Variants in OSMR observed in about 807,000 individuals in gnomAD.
OSMR encodes the protein oncostatin M receptor, also known as oncostatin-M-specific receptor subunit beta.
A neutral mutation model predicts 99.9 loss-of-function variants in OSMR; 81 were observed. The observed-to-expected ratio is 0.81, with a 90% CI of 0.68 to 0.97. The LOEUF (loss-of-function observed/expected upper bound fraction) is 0.97. Ranked by LOEUF, OSMR falls within the 50% of genes least tolerant of loss-of-function variation. The pLI is 0.00. For synonymous variants in OSMR, 406 were observed against 410.4 expected (o/e 0.99, Z 0.13); for missense variants, 1,099 against 1,153.4 (o/e 0.95, Z 0.68).
At chr5:38,945,017 G>C (rs1748017496) in exon 3 of OSMR, 1 of 1,611,480 alleles carries the variant, frequency 6.2e-7, no homozygotes, top group Non-Finnish European at 8.5e-7. Flanking sequence ...CACTTCTAAA[G>C]GATTATGGAT....
intron 7 of OSMR, among the ~76,000 whole-genome samples, chr5:38,897,919 C>G (rs1744625700): frequency 6.6e-6 from 1 of 151,976 alleles, no homozygotes; most frequent in South Asian, 2.1e-4. Flanking sequence ...TTCCAAAATT[C>G]CTCTTGTTAT....
intron 15 of OSMR, among the ~76,000 whole-genome samples, chr5:38,929,390 A>G (rs999400737): frequency 2.6e-5 from 4 of 152,210 alleles, no homozygotes; most frequent in African/African-American, 7.2e-5. Context: ...TATCCAGACC[A>G]ACTGTAATTT....
Position 38,859,638 on chromosome 5 carries a change from G to A in OSMR, c.-13-9394G>A, listed in dbSNP as rs543399565. 1.1e-3 allele frequency among the ~76,000 whole-genome samples: 167 copies of A among 152,248 alleles called. 4 individuals carry two copies. Among genetic ancestry groups the A allele is most frequent in the African/African-American group, 3.9e-3 (162 of 41,562 alleles). The stretch of plus-strand genomic sequence containing the variant: ...TGTTTTTCCTGTGTCTATGAAAAAT[G>A]TCATTGATGTTTTGATAGGGATTGC... On this transcript the variant is annotated intron_variant, in intron 1 of 17. Transcript: ENST00000274276.
intron 11 of OSMR, chr5:38,919,566 C>T: frequency 3.2e-6 from 1 of 317,258 alleles, no homozygotes; most frequent in African/African-American, 2.2e-5. Context: ...AATCTCTTGC[C>T]TATGAAAGAG....
rs34747631 is a variant in OSMR, at chr5:38,935,413, T to TAAC, written c.*1971_*1973dup. ...GTAGAAAGCGGTATCCTGATTAGTC[T>TAAC]AACAGTTGTGTTAGACTTTAGGGCC... On this transcript the variant is annotated 3_prime_UTR_variant, in exon 18 of 18. Coordinates refer to ENST00000274276, the MANE Select transcript of OSMR (RefSeq NM_003999.3). 6.6e-6 allele frequency: 1 copy of TAAC among 152,186 alleles called. No individual in the cohort carries two copies. The highest frequency in any genetic ancestry group is 1.5e-5 in the Non-Finnish European group (1 of 68,032). 9.4% of individuals were successfully genotyped at this position (152,186 alleles called of 1,614,324 possible).
chr5:38,900,496 A>G (rs544293940), intron 7 of OSMR, among the ~76,000 whole-genome samples: 2 of 152,308 alleles, frequency 1.3e-5, no homozygotes, highest in East Asian at 3.9e-4. Flanking sequence ...TAGCCATCTT[A>G]GTCTTGCTTC....
intron 1 of OSMR, chr5:38,941,569 T>C (rs1747575100): frequency 4.3e-6 from 1 of 231,162 alleles, no homozygotes; most frequent in Non-Finnish European, 8.6e-6. Context: ...TAAAAAATGA[T>C]TTTTAAATTT....
intron 1 of OSMR, chr5:38,942,281 C>T (rs1747650702): frequency 7.1e-7 from 1 of 1,405,768 alleles, no homozygotes; most frequent in East Asian, 2.3e-5. Context: ...TAGTATGTAT[C>T]TATATCCATC....
intron 15 of OSMR, among the ~76,000 whole-genome samples, chr5:38,931,283 C>G (rs578129716): frequency 1.3e-5 from 2 of 152,250 alleles, no homozygotes; most frequent in East Asian, 3.9e-4. Context: ...TCTTTTTATG[C>G]TCATGGGTTT....
intron 6 of OSMR, 78 bp downstream of exon 6, chr5:38,885,562 C>T: frequency 1.3e-6 from 2 of 1,553,304 alleles, no homozygotes; most frequent in Admixed American, 1.7e-5. Context: ...AAAATCTACA[C>T]TTAGATGTTG....
intron 1 of OSMR, among the ~76,000 whole-genome samples, chr5:38,854,182 C>T (rs1281707189): frequency 6.6e-6 from 1 of 152,152 alleles, no homozygotes; most frequent in Non-Finnish European, 1.5e-5. Flanking sequence ...GGGCTTCTTC[C>T]TTTAAAATGG....
At chr5:38,891,197 G>A (rs1185650656) in intron 7 of OSMR, among the ~76,000 whole-genome samples, 2 of 152,192 alleles carry the variant, frequency 1.3e-5, no homozygotes, top group Non-Finnish European at 2.9e-5. Context: ...CAGAGTACTT[G>A]CAAAAATTTT....
intron 7 of OSMR, among the ~76,000 whole-genome samples, chr5:38,900,914 A>C (rs1744848264): frequency 6.6e-6 from 1 of 152,224 alleles, no homozygotes; most frequent in Non-Finnish European, 1.5e-5. Flanking sequence ...TTTTTAACAT[A>C]AATGACCCCA....
At position 38,886,171 on chromosome 5, in the gene OSMR, T is replaced by C. The variant is rs1432510934; in HGVS notation, c.972T>C (p.Leu324=). The part of the protein sequence containing the change: ...NYLRKRSVNI[L]FNLTHRVYLM... ...TAAGGAAGAGAAGTGTCAATATCCTTTTTAACCTGACTCATCGAGGTGAGA... is the reference window on the plus strand; with the variant it reads ...TAAGGAAGAGAAGTGTCAATATCCTCTTTAACCTGACTCATCGAGGTGAGA... The change falls in exon 7 of 18, where the codon CTT becomes CTC. Residue 324 remains leucine (L), a synonymous_variant. Coordinates refer to ENST00000274276, the MANE Select transcript of OSMR (RefSeq NM_003999.3). The C allele has an allele frequency of 6.2e-7, 1 of 1,614,022 alleles. No individual in the cohort carries two copies. The highest frequency in any genetic ancestry group is 8.5e-7 in the Non-Finnish European group (1 of 1,179,986).
At position 38,925,278 on chromosome 5, in the gene OSMR, G is replaced by C. The variant is rs768686060; in HGVS notation, c.2119G>C (p.Glu707Gln). 1 of 1,614,022 alleles carries C rather than the reference G, an allele frequency of 6.2e-7. No individual in the cohort carries two copies. Among genetic ancestry groups the C allele is most frequent in the South Asian group, 1.1e-5 (1 of 91,074 alleles). ...ATTGATTGTGGACAACCTAAAGCCA[G>C]AATCCTTCTATGAGTTTTTCATCAC... ...KALIVDNLKP[E>Q]SFYEFFITPF... Residue 707 changes from glutamate (E) to glutamine (Q), a missense_variant, in exon 15 of 18, where the codon GAA becomes CAA. Physicochemically the swap from Glu to Gln is conservative, Grantham distance 29 (BLOSUM62 2). Transcript: ENST00000274276.
Position 38,884,060 on chromosome 5 carries a change from A to G in OSMR, c.652A>G (p.Ser218Gly). ...NKGTNIYCEA[S>G]QGNVSEGMKG... ...AGGGACAAATATCTATTGTGAGGCA[A>G]GTCAAGGAAATGTCAGTGAAGGCAT... is the stretch of plus-strand genomic sequence containing the variant. The change falls in exon 5 of 18, where the codon AGT (serine) becomes GGT (glycine). Residue 218 changes from serine to glycine, a missense_variant. By Grantham distance (56) the Ser-to-Gly change is moderately conservative (BLOSUM62 0). Transcript: ENST00000274276. 9.9e-6 allele frequency: 16 copies of G among 1,614,120 alleles called. No individual in the cohort carries two copies. Among genetic ancestry groups the G allele is most frequent in the Non-Finnish European group, 1.4e-5 (16 of 1,179,966 alleles).
chr5:38,889,715 G>T (rs1388468679), intron 7 of OSMR, among the ~76,000 whole-genome samples: 2 of 151,982 alleles, frequency 1.3e-5, no homozygotes, highest in Non-Finnish European at 2.9e-5. Context: ...TGGTAATCTT[G>T]CTAGAAGTTT....
chr5:38,933,438 C>T lies in OSMR; in HGVS notation c.2934C>T (p.Tyr978=). Residue 978 remains tyrosine (Y), a synonymous_variant, in exon 18 of 18, where the codon TAC becomes TAT. Transcript: ENST00000274276. ...CCCTTTTAGATCCAGGTGAACACTA[C>T]TGCTAACCAGCATGCCGATTTCATA... ...SITLLDPGEH[Y]C The T allele has an allele frequency of 6.2e-7, 1 of 1,614,152 alleles. No individual in the cohort carries two copies. The highest frequency in any genetic ancestry group is 8.5e-7 in the Non-Finnish European group (1 of 1,179,988).
chr5:38,942,837 A>T (rs1404834528), intron 1 of OSMR: 6 of 1,605,032 alleles, frequency 3.7e-6, no homozygotes, highest in Non-Finnish European at 5.1e-6. Context: ...ACTTACTTGT[A>T]GAAACTGTAC....
Sources: allele counts gnomAD v4.1 joint callset (sites outside exome capture counted in the v4.1 genomes callset), GRCh38; gene constraint gnomAD v4.1.1; transcripts MANE v1.5; gene names NCBI Gene and HGNC (gene_info 2026-07-23, HGNC 2026-07-21).